The following BCAR3 variants were observed in gnomAD, a reference collection of about 807,000 sequenced individuals.
The protein encoded by BCAR3 is breast cancer anti-estrogen resistance protein 3.
Under a neutral mutation model 80.1 loss-of-function variants are expected in BCAR3, and 37 were observed. The observed-to-expected ratio is 0.46, with a 90% CI of 0.36 to 0.61. BCAR3 has a LOEUF of 0.61. Ranked by LOEUF, BCAR3 falls within the 20% of genes least tolerant of loss-of-function variation. The probability of loss-of-function intolerance (pLI) is 0.00; values close to 1 mark genes in which losing one functional copy is unlikely to be tolerated. For synonymous variants in BCAR3, 389 were observed against 418.9 expected (o/e 0.93, Z 0.87); for missense variants, 978 against 1,068.2 (o/e 0.92, Z 1.18).
chr1:93,589,172 C>A lies in BCAR3; in HGVS notation c.734G>T (p.Ser245Ile). Residue 245 changes from serine (S) to isoleucine (I), a missense_variant, in exon 5 of 12, where the codon AGT becomes ATT. Transcript: ENST00000260502. ...VGNRRPISQQ[S>I]GAIIFQPINR... ...GATGGGCTGGAAGATGATGGCGCCA[C>A]TCTGCTGGGAGATGGGCCGGCGGTT... 6.2e-7 allele frequency: 1 copy of A among 1,613,890 alleles called. No homozygotes were observed. The highest frequency in any genetic ancestry group is 8.5e-7 in the Non-Finnish European group (1 of 1,179,972).
chr1:93,682,698 G>A (rs1648836787), upstream of BCAR3, among the ~76,000 whole-genome samples: 2 of 152,188 alleles, frequency 1.3e-5, no homozygotes, highest in African/African-American at 4.8e-5. Flanking sequence ...GGGATTACAG[G>A]CGCACGCCAC....
At chr1:93,683,830 T>A (rs1437951219), upstream of BCAR3, among the ~76,000 whole-genome samples, 2 of 152,226 alleles carry the variant, frequency 1.3e-5, no homozygotes, top group Non-Finnish European at 2.9e-5. Context: ...CTGATAATAT[T>A]CTATTTATTA....
intron 2 of BCAR3, among the ~76,000 whole-genome samples, chr1:93,815,017 A>T (rs896023746): frequency 1.3e-5 from 2 of 152,170 alleles, no homozygotes; most frequent in Non-Finnish European, 2.9e-5. Flanking sequence ...ATAACTATTT[A>T]TGGAGCACCA....
chr1:93,575,795 G>A (rs988604966), intron 8 of BCAR3, among the ~76,000 whole-genome samples: 5 of 152,176 alleles, frequency 3.3e-5, no homozygotes, highest in African/African-American at 1.2e-4. Context: ...AGCAGGGACG[G>A]GAACACATTC....
intron 2 of BCAR3, among the ~76,000 whole-genome samples, chr1:93,752,530 T>C (rs188110676): frequency 6.6e-6 from 1 of 152,346 alleles, no homozygotes; most frequent in Admixed American, 6.5e-5. Flanking sequence ...TTATCAATAA[T>C]AGGAAGTACC....
intron 2 of BCAR3, among the ~76,000 whole-genome samples, chr1:93,744,286 T>C (rs1433663378): frequency 6.6e-6 from 1 of 152,212 alleles, no homozygotes; most frequent in Middle Eastern, 3.2e-3. Context: ...AAGTATGAAG[T>C]TGGCAAGCTG....
chr1:93,706,891 T>A (rs181892899), intron 2 of BCAR3, among the ~76,000 whole-genome samples: 27 of 152,322 alleles, frequency 1.8e-4, no homozygotes, highest in Non-Finnish European at 2.9e-4. Flanking sequence ...TAGTATACAG[T>A]TTAGGCCGGG....
intron 8 of BCAR3, among the ~76,000 whole-genome samples, chr1:93,573,957 T>G (rs1466774109): frequency 6.6e-6 from 1 of 152,210 alleles, no homozygotes; most frequent in Non-Finnish European, 1.5e-5. Flanking sequence ...GGAAGAGTTT[T>G]CTTATCCATT....
At chr1:93,671,770 T>C (rs746599636) in intron 2 of BCAR3, among the ~76,000 whole-genome samples, 7 of 152,202 alleles carry the variant, frequency 4.6e-5, no homozygotes, top group Non-Finnish European at 8.8e-5. Context: ...GTTTATATCA[T>C]TGCTGGTTTC....
intron 2 of BCAR3, among the ~76,000 whole-genome samples, chr1:93,738,437 C>A (rs910193475): frequency 6.6e-6 from 1 of 152,256 alleles, no homozygotes; most frequent in East Asian, 1.9e-4. Context: ...ACCCTGCAGG[C>A]CGGTGATGGA....
At chr1:93,748,472 C>G (rs900347679) in intron 2 of BCAR3, among the ~76,000 whole-genome samples, 4 of 152,210 alleles carry the variant, frequency 2.6e-5, no homozygotes, top group African/African-American at 9.7e-5. Context: ...GCACCTGACT[C>G]CATCCCTTGG....
intron 2 of BCAR3, among the ~76,000 whole-genome samples, chr1:93,660,473 TTCTA>T (rs1647597963): frequency 6.6e-6 from 1 of 152,216 alleles, no homozygotes; most frequent in Non-Finnish European, 1.5e-5. Context: ...ATAGGGCCAT[TTCTA>T]TCTGTTTACC....
chr1:93,564,772 T>C (rs954479510), intron 11 of BCAR3, among the ~76,000 whole-genome samples: 2 of 152,228 alleles, frequency 1.3e-5, no homozygotes, highest in African/African-American at 4.8e-5. Flanking sequence ...TTATACTTTA[T>C]CCAGTGAATT....
chr1:93,669,991 C>T (rs1358824414), intron 2 of BCAR3, among the ~76,000 whole-genome samples: 1 of 152,146 alleles, frequency 6.6e-6, no homozygotes, highest in Non-Finnish European at 1.5e-5. Context: ...GCAGTGTATA[C>T]TGCTTGGGTG....
intron 2 of BCAR3, among the ~76,000 whole-genome samples, chr1:93,727,881 G>C (rs1022793005): frequency 2.0e-4 from 30 of 152,192 alleles, no homozygotes; most frequent in African/African-American, 6.8e-4. Flanking sequence ...AGAATTTCAA[G>C]ATGAGAACAT....
intron 2 of BCAR3, among the ~76,000 whole-genome samples, chr1:93,649,976 T>A (rs1467884545): frequency 1.3e-5 from 2 of 151,204 alleles, no homozygotes; most frequent in African/African-American, 2.4e-5. Context: ...CATCCAAGCC[T>A]CCATTCCATT....
intron 9 of BCAR3, among the ~76,000 whole-genome samples, chr1:93,568,977 A>C (rs1211763026): frequency 6.6e-6 from 1 of 152,180 alleles, no homozygotes; most frequent in African/African-American, 2.4e-5. Flanking sequence ...ATGAGACACC[A>C]TGCCTGCTAC....
intron 3 of BCAR3, among the ~76,000 whole-genome samples, chr1:93,630,772 C>T (rs1050594140): frequency 1.3e-5 from 2 of 152,130 alleles, no homozygotes; most frequent in African/African-American, 4.8e-5. Context: ...ATGAACCAGC[C>T]ATATAGCTGG....
rs370639995 is a variant in BCAR3 at position 93,717,763 on chromosome 1, C to A, written c.-62-11621G>T. Among the ~76,000 whole-genome samples, 221 of 151,530 alleles carry A rather than the reference C, an allele frequency of 1.5e-3. 1 individual carries two copies. Among genetic ancestry groups the A allele is most frequent in the African/African-American group, 5.1e-3 (212 of 41,266 alleles). On this transcript the variant is annotated intron_variant, in intron 2 of 13. Transcript: ENST00000370244. ...GAATTGGAGATAAGAGAACTGTGCG[C>A]AACCAGATTCCTGTCTTCAGGTGAC...
Sources: gnomAD v4.1 joint callset for allele counts (sites outside exome capture counted in the v4.1 genomes callset) on GRCh38, gnomAD v4.1.1 for gene constraint, MANE v1.5 for transcripts, NCBI Gene and HGNC (gene_info 2026-07-23, HGNC 2026-07-21) for gene names.